The following DMD variants were observed in gnomAD, a reference collection of about 807,000 sequenced individuals.
The protein encoded by DMD is dystrophin.
A neutral mutation model predicts 330.1 loss-of-function variants in DMD; 63 were observed. That is an observed-to-expected ratio of 0.19 (90% CI 0.16 to 0.24). The LOEUF (loss-of-function observed/expected upper bound fraction) is 0.24. Among genes scored for constraint, DMD ranks in the 10% least tolerant of loss-of-function variants. The probability of loss-of-function intolerance (pLI) is 1.00; values close to 1 mark genes in which losing one functional copy is unlikely to be tolerated. For synonymous variants in DMD, 1,223 were observed against 959.8 expected (o/e 1.27, Z -5.07); for missense variants, 3,344 against 2,684.1 (o/e 1.25, Z -5.43).
Position 31,154,404 on chromosome X carries a change from T to C in DMD, c.10554-6886A>G, listed in dbSNP as rs950372031. Among the ~76,000 whole-genome samples the C allele has an allele frequency of 3.6e-5, 4 of 110,339 alleles. No individual in the cohort carries two copies. The Admixed American group carries it at 3.8e-4, about 11-fold the overall frequency. On this transcript the variant is annotated intron_variant, in intron 74 of 78. Transcript: ENST00000357033. The stretch of plus-strand genomic sequence containing the variant: ...TCTGCCTCCTGGGTTCACATTCTCC[T>C]GCCTCAGCCTCCAGAGTCACTGGGA...
In DMD at chrX:33,151,715, T is replaced by G. The variant is rs145518176; in HGVS notation, c.31+59567A>C. 2.8e-3 allele frequency among the ~76,000 whole-genome samples: 317 copies of G among 111,847 alleles called. 1 individual carries two copies. The highest frequency in any genetic ancestry group is 9.8e-3 in the African/African-American group (303 of 30,850). ...GCCTATAAAAGAGAATTGGTGTATA[T>G]GCCAATCATACCTCAATAAAGCAGT... On this transcript the variant is annotated intron_variant, in intron 1 of 78. Transcript: ENST00000357033.
chrX:32,457,426 T>C (rs902708306), intron 25 of DMD, among the ~76,000 whole-genome samples: 2 of 110,729 alleles, frequency 1.8e-5, no homozygotes, highest in Non-Finnish European at 3.8e-5. Flanking sequence ...CAGGAGATAT[T>C]ACAGAATAAT....
chrX:32,699,958 G>A (rs1334349008), intron 7 of DMD, among the ~76,000 whole-genome samples: 2 of 111,690 alleles, frequency 1.8e-5, no homozygotes, highest in Non-Finnish European at 3.8e-5. Context: ...TAAAAGTCCC[G>A]CACATTAAGT....
intron 34 of DMD, among the ~76,000 whole-genome samples, chrX:32,367,173 A>G: frequency 8.9e-6 from 1 of 111,803 alleles, no homozygotes; most frequent in Non-Finnish European, 1.9e-5. Context: ...GACATAGACT[A>G]GATTTTATTC....
At chrX:32,835,592 A>T (rs149533832) in intron 4 of DMD, among the ~76,000 whole-genome samples, 3,085 of 112,272 alleles carry the variant, frequency 0.027, 108 homozygotes, top group African/African-American at 0.094. Flanking sequence ...CAAAGAATGC[A>T]AATTGGAACA....
intron 44 of DMD, among the ~76,000 whole-genome samples, chrX:31,972,810 G>A (rs755486963): frequency 9.0e-5 from 10 of 111,592 alleles, no homozygotes; most frequent in Non-Finnish European, 1.5e-4. Flanking sequence ...ATTTGGGAGA[G>A]TTGTGAAACA....
intron 2 of DMD, among the ~76,000 whole-genome samples, chrX:32,985,031 C>T (rs1223063053): frequency 8.9e-6 from 1 of 112,262 alleles, no homozygotes; most frequent in Non-Finnish European, 1.9e-5. Flanking sequence ...CATAGGGCAA[C>T]TAATTCTGAA....
At chrX:32,732,622 A>C (rs916091398) in intron 7 of DMD, among the ~76,000 whole-genome samples, 1 of 111,371 alleles carries the variant, frequency 9.0e-6, no homozygotes. Flanking sequence ...ATTCTTAAAG[A>C]AAAGAATTTT....
At chrX:31,489,364 G>T (rs1167856310) in intron 57 of DMD, among the ~76,000 whole-genome samples, 1 of 111,518 alleles carries the variant, frequency 9.0e-6, no homozygotes, top group East Asian at 2.8e-4. Context: ...AACTCTTGAC[G>T]TCCAGGGATC....
rs1177164612 is a variant in DMD, at chrX:31,836,649, G to A, written c.7200+69C>T. On this transcript the variant is annotated intron_variant, in intron 49 of 78. Coordinates refer to ENST00000357033, the MANE Select transcript of DMD (RefSeq NM_004006.3). ...TGATTATAAATAGTCCACGTCAATG[G>A]CAAATGTACAACAGGGGAAGCATAA... 4.6e-6 allele frequency: 4 copies of A among 875,641 alleles called. No individual in the cohort carries two copies. In the African/African-American group the frequency reaches 5.9e-5, roughly 13 times the overall value. 72.2% of individuals were successfully genotyped at this position (875,641 alleles called of 1,213,427 possible).
chrX:32,933,682 A>G (rs780560030), intron 2 of DMD, among the ~76,000 whole-genome samples: 1 of 112,217 alleles, frequency 8.9e-6, no homozygotes, highest in East Asian at 2.8e-4. Context: ...AAGTGTCCCA[A>G]GATGAAATGA....
chrX:32,730,746 T>C, intron 7 of DMD, among the ~76,000 whole-genome samples: 1 of 112,077 alleles, frequency 8.9e-6, no homozygotes, highest in Non-Finnish European at 1.9e-5. Context: ...TAGTATTTTA[T>C]TAAGAGTGTG....
intron 1 of DMD, among the ~76,000 whole-genome samples, chrX:33,027,426 G>A (rs1337353157): frequency 1.8e-5 from 2 of 112,577 alleles, no homozygotes; most frequent in Non-Finnish European, 3.7e-5. Context: ...AGTCCAGTAA[G>A]TTCCAGTTTG....
chrX:32,175,882 G>C (rs1448530833), intron 44 of DMD, among the ~76,000 whole-genome samples: 1 of 111,819 alleles, frequency 8.9e-6, no homozygotes, highest in Admixed American at 9.5e-5. Flanking sequence ...CGTTCATTAA[G>C]ACATTTATCT....
At chrX:31,747,832 T>C (rs2087981973) in intron 51 of DMD, among the ~76,000 whole-genome samples, 1 of 112,268 alleles carries the variant, frequency 8.9e-6, no homozygotes, top group African/African-American at 3.2e-5. Context: ...TTTTCTGTTT[T>C]ATTAGGCAGG....
At chrX:31,438,270 T>A (rs898784443) in intron 60 of DMD, among the ~76,000 whole-genome samples, 5 of 111,288 alleles carry the variant, frequency 4.5e-5, no homozygotes, top group African/African-American at 9.8e-5. Context: ...ATATATATAT[T>A]TTTTTAACTT....
chrX:32,939,649 CA>C (rs1266056188), intron 2 of DMD, among the ~76,000 whole-genome samples: 2 of 110,859 alleles, frequency 1.8e-5, no homozygotes, highest in Admixed American at 1.9e-4. Flanking sequence ...TATGACTCTC[CA>C]TATAAGTTAA....
chrX:31,425,712 G>GCACA (rs61365841), intron 60 of DMD, among the ~76,000 whole-genome samples: 16,166 of 98,500 alleles, frequency 0.16, 1,401 homozygotes, highest in East Asian at 0.4. Flanking sequence ...ACACACACAC[G>GCACA]CACACAATAC....
chrX:31,893,033 C>T (rs2094280689), intron 47 of DMD, among the ~76,000 whole-genome samples: 3 of 111,807 alleles, frequency 2.7e-5, no homozygotes, highest in African/African-American at 9.7e-5. Flanking sequence ...AGCTTTTATT[C>T]TATAGTAGGA....
Sources: allele counts gnomAD v4.1 joint callset (sites outside exome capture counted in the v4.1 genomes callset), GRCh38; gene constraint gnomAD v4.1.1; transcripts MANE v1.5; gene names NCBI Gene and HGNC (gene_info 2026-07-23, HGNC 2026-07-21).